Variants in CEP250 observed in about 807,000 individuals in gnomAD.
CEP250 encodes centrosomal protein 250.
CEP250 carries 242 observed loss-of-function variants against 315.7 expected under a neutral mutation model. The observed-to-expected ratio is 0.77, with a 90% CI of 0.69 to 0.85. The LOEUF is 0.85. Ranked by LOEUF, CEP250 falls within the 40% of genes least tolerant of loss-of-function variation. The probability of loss-of-function intolerance (pLI) is 0.00; values close to 1 mark genes in which losing one functional copy is unlikely to be tolerated. For missense variants in CEP250, 2,515 were observed against 2,886.4 expected, an observed-to-expected ratio of 0.87 and a Z score of 2.95; for synonymous variants, 1,088 against 1,175.0, an observed-to-expected ratio of 0.93 and a Z score of 1.51.
intron 9 of CEP250, among the ~76,000 whole-genome samples, chr20:35,469,022 A>G (rs1033918499): frequency 6.6e-6 from 1 of 152,162 alleles, no homozygotes; most frequent in African/African-American, 2.4e-5. Context: ...ATGACCATAC[A>G]GTGTGTTAAG....
intron 21 of CEP250, 42 bp downstream of exon 21, chr20:35,490,846 A>G (rs769915353): frequency 3.1e-6 from 5 of 1,602,922 alleles, no homozygotes; most frequent in Non-Finnish European, 3.4e-6. Context: ...CCAGTCAGCG[A>G]TCTCCTTACC....
rs772146999 is a variant in CEP250 at position 35,508,155 on chromosome 20, C to A, written c.6871C>A (p.Arg2291Ser). The change falls in exon 32 of 35, where the codon CGC (arginine) becomes AGC (serine). Residue 2291 changes from arginine to serine, a missense_variant. Arg to Ser is a moderately radical substitution (Grantham distance 110). Coordinates refer to ENST00000397527, the MANE Select transcript of CEP250 (RefSeq NM_007186.6). ...RLEIDRSRLQ[R>S]HNVQLRSTLE... Reference sequence around the variant, plus strand: ...GGAGATTGACAGGAGCAGGCTGCAGCGCCACAATGTCCAGCTGCGGAGTAC... The same window carrying A: ...GGAGATTGACAGGAGCAGGCTGCAGAGCCACAATGTCCAGCTGCGGAGTAC... 1 of 1,613,930 alleles carries A rather than the reference C, an allele frequency of 6.2e-7. No homozygotes were observed. The highest frequency in any genetic ancestry group is 1.3e-5 in the African/African-American group (1 of 74,886).
chr20:35,498,174 A>G (rs2063898994), intron 26 of CEP250, 107 bp downstream of exon 26: 1 of 856,806 alleles, frequency 1.2e-6, no homozygotes, highest in South Asian at 1.9e-5. Context: ...TTCAGGGTTA[A>G]GATTACATAC....
intron 22 of CEP250, among the ~76,000 whole-genome samples, chr20:35,492,357 G>T (rs889923819): frequency 6.6e-6 from 1 of 152,128 alleles, no homozygotes; most frequent in Non-Finnish European, 1.5e-5. Context: ...TGGGCACGGG[G>T]TTTATTTTGG....
intron 20 of CEP250, among the ~76,000 whole-genome samples, chr20:35,485,110 C>T (rs989915534): frequency 4.7e-5 from 7 of 150,256 alleles, no homozygotes; most frequent in Admixed American, 1.3e-4. Context: ...CAGTGGCTTA[C>T]GCCTGTAATC....
At chr20:35,481,564 A>G (rs913189801) in intron 20 of CEP250, among the ~76,000 whole-genome samples, 4 of 151,120 alleles carry the variant, frequency 2.6e-5, no homozygotes, top group Non-Finnish European at 5.9e-5. Context: ...GATACAACGA[A>G]TTGATACCTT....
chr20:35,498,558 T>C (rs750180757), intron 26 of CEP250, 37 bp from the exon 27 acceptor site: 1 of 1,601,576 alleles, frequency 6.2e-7, no homozygotes, highest in Non-Finnish European at 8.5e-7. Context: ...CTTTTCATAG[T>C]GGCAGCCAGG....
chr20:35,474,666 C>T (rs542524401), intron 14 of CEP250: 16 of 404,886 alleles, frequency 4.0e-5, no homozygotes, highest in South Asian at 3.0e-4. Flanking sequence ...CCCAGCTAAT[C>T]TGTAAATTCC....
In CEP250 at chr20:35,465,750, T is replaced by C; in HGVS notation, c.251T>C (p.Ile84Thr). 2 of 1,601,526 alleles carry C rather than the reference T, an allele frequency of 1.2e-6. No individual in the cohort carries two copies. Among genetic ancestry groups the C allele is most frequent in the Non-Finnish European group, 1.7e-6 (2 of 1,174,666 alleles). Residue 84 changes from isoleucine (I) to threonine (T), a missense_variant, in exon 6 of 35, where the codon ATC (isoleucine) becomes ACC (threonine). Transcript: ENST00000397527. ...EKRLEATGGP[I>T]PQRWENVEEP... The stretch of plus-strand genomic sequence containing the variant: ...TGTCTCTGTCTGGCGCAGGGACCAA[T>C]CCCCCAGAGGTGGGAAAATGTGGAG...
Position 35,493,472 on chromosome 20 carries a change from G to A in CEP250, c.2933G>A (p.Arg978Gln), listed in dbSNP as rs755341476. The A allele has an allele frequency of 9.3e-6, 15 of 1,609,760 alleles. No homozygotes were observed. The highest frequency in any genetic ancestry group is 6.8e-5 in the East Asian group (3 of 44,426). ...CAGACCCAGCTCCAGGAGGCTCAAC[G>A]GGAGCTGAAGGAGGCAGCCCGGCAG... The part of the protein sequence containing the change: ...ILQTQLQEAQ[R>Q]ELKEAARQHR... Residue 978 changes from arginine (R) to glutamine (Q), a missense_variant, in exon 23 of 35, where the codon CGG (arginine) becomes CAG (glutamine). Physicochemically the swap from Arg to Gln is conservative, Grantham distance 43 (BLOSUM62 1). Coordinates refer to ENST00000397527, the MANE Select transcript of CEP250 (RefSeq NM_007186.6).
chr20:35,465,716 A>G (rs779591040), intron 5 of CEP250, 27 bp from the exon 6 acceptor site: 3 of 1,543,376 alleles, frequency 1.9e-6, no homozygotes, highest in African/African-American at 2.7e-5. Flanking sequence ...TTTGGAGGTA[A>G]GTAAGGCTTG....
chr20:35,467,179 G>GGGGGGGGGGCGCCCCCCC, intron 8 of CEP250, 107 bp downstream of exon 8: 1 of 534,900 alleles, frequency 1.9e-6, no homozygotes, highest in Non-Finnish European at 3.5e-6. Flanking sequence ...GGTGGGTGGG[G>GGGGGGGGGGCGCCCCCCC]GAGTTGGTAG....
At chr20:35,492,272 G>A (rs964141154) in intron 22 of CEP250, among the ~76,000 whole-genome samples, 1 of 152,122 alleles carries the variant, frequency 6.6e-6, no homozygotes, top group African/African-American at 2.4e-5. Context: ...GAAACACCAA[G>A]AATAGGCAAC....
At position 35,480,114 on chromosome 20, in the gene CEP250, A is replaced by C; in HGVS notation, c.2555A>C (p.Glu852Ala). 1.2e-6 allele frequency: 2 copies of C among 1,612,474 alleles called. No homozygotes were observed. Among genetic ancestry groups the C allele is most frequent in the Non-Finnish European group, 1.7e-6 (2 of 1,180,010 alleles). ...TALEQQKAAH[E>A]KEVNQLREKW... ...TTGGAGCAGCAGAAGGCAGCCCATG[A>C]GAAAGAGGTGAACCAGCTCCGGGAG... Residue 852 changes from glutamate (E) to alanine (A), a missense_variant, in exon 20 of 35, where the codon GAG becomes GCG. Coordinates refer to ENST00000397527, the MANE Select transcript of CEP250 (RefSeq NM_007186.6).
chr20:35,465,799 G>C lies in CEP250; in HGVS notation c.300G>C (p.Leu100=). 4 of 1,609,860 alleles carry C rather than the reference G, an allele frequency of 2.5e-6. No individual in the cohort carries two copies. Among genetic ancestry groups the C allele is most frequent in the Non-Finnish European group, 3.4e-6 (4 of 1,178,556 alleles). Residue 100 remains leucine, a synonymous_variant, in exon 6 of 35, where the codon CTG becomes CTC. Coordinates refer to ENST00000397527, the MANE Select transcript of CEP250 (RefSeq NM_007186.6). Reference sequence around the variant, plus strand: ...AGGAGCCAAACCTGGATGAGCTGCTGGTCCGATTGGAGGAGGAGCAACAGA... The same window carrying C: ...AGGAGCCAAACCTGGATGAGCTGCTCGTCCGATTGGAGGAGGAGCAACAGA... The part of the protein sequence containing the change: ...NVEEPNLDEL[L]VRLEEEQQRC...
intron 5 of CEP250, among the ~76,000 whole-genome samples, chr20:35,464,170 G>T (rs923433097): frequency 6.6e-6 from 1 of 152,212 alleles, no homozygotes; most frequent in Non-Finnish European, 1.5e-5. Flanking sequence ...TAGGATGGTT[G>T]CAAGTTTTCA....
intron 20 of CEP250, among the ~76,000 whole-genome samples, chr20:35,490,078 C>G (rs925797252): frequency 5.3e-5 from 8 of 151,936 alleles, no homozygotes; most frequent in African/African-American, 1.9e-4. Context: ...TTTGGGAGGC[C>G]GAGGCAGGCA....
rs1243282597 is a variant in CEP250 at position 35,494,581 on chromosome 20, C to T, written c.3091C>T (p.Gln1031Ter). 3.7e-6 allele frequency: 6 copies of T among 1,614,072 alleles called. No individual in the cohort carries two copies. The highest frequency in any genetic ancestry group is 4.2e-6 in the Non-Finnish European group (5 of 1,180,004). Residue 1031 changes from glutamine to a stop codon, truncating the protein, a stop_gained, in exon 24 of 35, where the codon CAG becomes TAG. Coordinates refer to ENST00000397527, the MANE Select transcript of CEP250 (RefSeq NM_007186.6). LOFTEE classifies it high-confidence loss of function. ...GGATGACTCCCAGAGGCTGGTGGAG[C>T]AGGAGGTTCAGGAGAAGCTGAGAGA... The part of the protein sequence containing the change: ...AQDDSQRLVE[Q>*]EVQEKLRETQ...
chr20:35,496,777 G>A (rs2063848325), intron 25 of CEP250, 62 bp downstream of exon 25: 1 of 1,557,598 alleles, frequency 6.4e-7, no homozygotes, highest in Non-Finnish European at 8.7e-7. Context: ...TGAAGCGGTG[G>A]ATTGATTGCT....
Sources: allele counts gnomAD v4.1 joint callset (sites outside exome capture counted in the v4.1 genomes callset), GRCh38; gene constraint gnomAD v4.1.1; transcripts MANE v1.5; gene names NCBI Gene and HGNC (gene_info 2026-07-23, HGNC 2026-07-21).